Variants in RNF157 observed in about 807,000 individuals in gnomAD.
RNF157 encodes the protein ring finger protein 157.
In RNF157, 55 loss-of-function variants were observed where a neutral mutation model predicts 88.3. That is an observed-to-expected ratio of 0.62 (90% CI 0.50 to 0.78). The LOEUF is 0.78. Among genes scored for constraint, RNF157 ranks in the 30% least tolerant of loss-of-function variants. The pLI, the probability that RNF157 is intolerant of heterozygous loss-of-function variation, is 0.00. For synonymous variants in RNF157, 334 were observed against 341.2 expected (o/e 0.98, Z 0.23); for missense variants, 788 against 860.8 (o/e 0.92, Z 1.06).
chr17:76,215,525 A>G (rs2069873461), intron 1 of RNF157, among the ~76,000 whole-genome samples: 1 of 138,022 alleles, frequency 7.2e-6, no homozygotes, highest in Admixed American at 7.5e-5. Flanking sequence ...AAGGAAAAAA[A>G]GATTTATAGC....
intron 18 of RNF157, among the ~76,000 whole-genome samples, chr17:76,151,383 G>C (rs1212067253): frequency 6.6e-6 from 1 of 152,234 alleles, no homozygotes; most frequent in Non-Finnish European, 1.5e-5. Flanking sequence ...GGCTGATGGA[G>C]AGTGGCAACC....
intron 16 of RNF157, 134 bp downstream of exon 16, chr17:76,155,118 C>T: frequency 1.3e-6 from 1 of 743,202 alleles, no homozygotes; most frequent in African/African-American, 1.7e-5. Context: ...CCACTTCTCA[C>T]TGATCTAGGC....
Position 76,145,209 on chromosome 17 carries a change from G to A in RNF157, c.*26C>T. On this transcript the variant is annotated 3_prime_UTR_variant, in exon 19 of 19. Transcript: ENST00000269391. Reference sequence around the variant, plus strand: ...GGATGGATGGAATGCAGGGCAGGAGGGGAGCCCAAGTGCAGAGGCTGGGGC... The same window carrying A: ...GGATGGATGGAATGCAGGGCAGGAGAGGAGCCCAAGTGCAGAGGCTGGGGC... 6.9e-7 allele frequency: 1 copy of A among 1,449,064 alleles called. No individual in the cohort carries two copies. The highest frequency in any genetic ancestry group is 9.6e-7 in the Non-Finnish European group (1 of 1,036,352). The allele number at this position is 1,449,064 out of a possible 1,614,324, so 89.8% of individuals were successfully genotyped here. A position where few individuals can be genotyped will look rare whatever the true frequency, so the allele number is the denominator to read the frequency against.
At chr17:76,201,757 T>C (rs2069582657) in intron 2 of RNF157, among the ~76,000 whole-genome samples, 1 of 152,162 alleles carries the variant, frequency 6.6e-6, no homozygotes, top group East Asian at 1.9e-4. Context: ...GTGGACATAT[T>C]GCCATCTCAG....
chr17:76,228,017 C>T (rs1449378095), intron 1 of RNF157, among the ~76,000 whole-genome samples: 2 of 152,098 alleles, frequency 1.3e-5, no homozygotes, highest in East Asian at 1.9e-4. Context: ...GATAAACATT[C>T]TCTTTACAGT....
At chr17:76,158,722 G>C (rs939396459) in intron 12 of RNF157, among the ~76,000 whole-genome samples, 1 of 152,176 alleles carries the variant, frequency 6.6e-6, no homozygotes, top group Non-Finnish European at 1.5e-5. Flanking sequence ...GAGTAGCCGA[G>C]TAGGTCTGGG....
chr17:76,151,281 GAA>G (rs1161315056), intron 18 of RNF157, among the ~76,000 whole-genome samples: 1 of 152,258 alleles, frequency 6.6e-6, no homozygotes, highest in African/African-American at 2.4e-5. Context: ...AAAGCCCTTT[GAA>G]GGGCTGGAGA....
intron 2 of RNF157, among the ~76,000 whole-genome samples, chr17:76,186,963 A>ATAAATAAG: frequency 6.6e-6 from 1 of 151,414 alleles, no homozygotes; most frequent in Admixed American, 6.6e-5. Context: ...AAATAAATAA[A>ATAAATAAG]TAAATAAATA....
At position 76,161,182 on chromosome 17, in the gene RNF157, G is replaced by T. The variant is rs911060284; in HGVS notation, c.1065+353C>A. 1.3e-5 allele frequency among the ~76,000 whole-genome samples: 2 copies of T among 152,104 alleles called. No homozygotes were observed. The highest frequency in any genetic ancestry group is 1.5e-5 in the Non-Finnish European group (1 of 68,020). On this transcript the variant is annotated intron_variant, in intron 11 of 18. Transcript: ENST00000269391. The surrounding 1 kb of genome is among the most constrained non-coding windows in gnomAD (Gnocchi z 4.6). ...AAAGAAAAACAGTTACTTTCTTCGA[G>T]GATTCAAATAAAGATAATAAATTGT...
intron 2 of RNF157, among the ~76,000 whole-genome samples, chr17:76,189,324 A>G (rs2069344355): frequency 1.3e-5 from 2 of 152,240 alleles, no homozygotes; most frequent in South Asian, 4.1e-4. Flanking sequence ...CTGTAAGAAT[A>G]AATTATTAAA....
chr17:76,229,108 T>C (rs1231926128), intron 1 of RNF157, among the ~76,000 whole-genome samples: 2 of 152,114 alleles, frequency 1.3e-5, no homozygotes, highest in East Asian at 3.9e-4. Flanking sequence ...CACACTTCAT[T>C]TACCTCTGCA....
intron 2 of RNF157, among the ~76,000 whole-genome samples, chr17:76,185,513 A>ATTTTTTTTT (rs1568047389): frequency 7.0e-6 from 1 of 143,776 alleles, no homozygotes; most frequent in African/African-American, 2.8e-5. Context: ...TCTGTCGCCC[A>ATTTTTTTTT]GGCTGGAGTG....
At chr17:76,150,347 G>A (rs779287105) in intron 18 of RNF157, among the ~76,000 whole-genome samples, 16 of 152,064 alleles carry the variant, frequency 1.1e-4, no homozygotes, top group Non-Finnish European at 2.1e-4. Context: ...GGGAACCCCA[G>A]GGCTTCTCTC....
chr17:76,223,047 T>C (rs1221469907), intron 1 of RNF157, among the ~76,000 whole-genome samples: 5 of 151,706 alleles, frequency 3.3e-5, no homozygotes, highest in African/African-American at 1.2e-4. Flanking sequence ...CCCGCCACCA[T>C]GCCTGGCTAA....
intron 1 of RNF157, among the ~76,000 whole-genome samples, chr17:76,228,198 C>T (rs1199693487): frequency 6.6e-6 from 1 of 152,134 alleles, no homozygotes; most frequent in African/African-American, 2.4e-5. Flanking sequence ...CTATTCTGGA[C>T]CAGTACAACA....
At chr17:76,233,578 C>T (rs2070232027) in intron 1 of RNF157, among the ~76,000 whole-genome samples, 1 of 152,152 alleles carries the variant, frequency 6.6e-6, no homozygotes, top group Non-Finnish European at 1.5e-5. Flanking sequence ...CAATCTGTCA[C>T]CCAGGCTGAA....
chr17:76,152,485 G>A lies in RNF157; in HGVS notation c.1811-20C>T, dbSNP rs767735794. 24 of 1,461,320 alleles carry A rather than the reference G, an allele frequency of 1.6e-5. No homozygotes were observed. In the Admixed American group the frequency reaches 3.8e-4, roughly 23 times the overall value. 90.5% of individuals were successfully genotyped at this position (1,461,320 alleles called of 1,614,324 possible). A position where few individuals can be genotyped will look rare whatever the true frequency, so the allele number is the denominator to read the frequency against. On this transcript the variant is annotated intron_variant, in intron 17 of 18. Coordinates refer to ENST00000269391, the MANE Select transcript of RNF157 (RefSeq NM_052916.3). ...TCTGGCCTGTAACGGAGTTAATGCA[G>A]TTAGAGAGGGGCTGGCTGTGTTTTT...
chr17:76,202,191 G>A (rs983758399), intron 2 of RNF157, among the ~76,000 whole-genome samples: 4 of 145,596 alleles, frequency 2.7e-5, no homozygotes, highest in Admixed American at 6.8e-5. Flanking sequence ...AAAGACACCC[G>A]TTCCCACCAT....
intron 2 of RNF157, chr17:76,212,081 G>T: frequency 4.2e-6 from 1 of 237,032 alleles, no homozygotes; most frequent in Non-Finnish European, 8.1e-6. Context: ...AAAAAGGTAA[G>T]CCCTTGGAAA....
Sources: gnomAD v4.1 joint callset for allele counts (sites outside exome capture counted in the v4.1 genomes callset) on GRCh38, gnomAD v4.1.1 for gene constraint, Gnocchi (gnomAD v3.1) non-coding constraint, MANE v1.5 for transcripts, NCBI Gene and HGNC (gene_info 2026-07-23, HGNC 2026-07-21) for gene names.